Variants in ATP8B4 observed in about 807,000 individuals in gnomAD.
The protein encoded by ATP8B4 is probable phospholipid-transporting ATPase IM.
Under a neutral mutation model 145.6 loss-of-function variants are expected in ATP8B4, and 133 were observed. That is an observed-to-expected ratio of 0.91 (90% CI 0.79 to 1.05). The LOEUF is 1.05. ATP8B4 is among the 50% of genes least tolerant of loss of function. The pLI is 0.00. For synonymous variants in ATP8B4, 507 were observed against 492.9 expected (o/e 1.03, Z -0.38); for missense variants, 1,458 against 1,425.2 (o/e 1.02, Z -0.37).
chr15:50,018,870 C>T (rs1044517817), intron 6 of ATP8B4: 30 of 1,108,014 alleles, frequency 2.7e-5, no homozygotes, highest in Non-Finnish European at 3.4e-5. Flanking sequence ...TCTGAAGCTT[C>T]GACCATTATG....
chr15:50,093,285 G>A (rs2055731931), intron 2 of ATP8B4, among the ~76,000 whole-genome samples: 1 of 151,928 alleles, frequency 6.6e-6, no homozygotes, highest in African/African-American at 2.4e-5. Context: ...GGGTAAATCT[G>A]CACAAATAAT....
intron 3 of ATP8B4, among the ~76,000 whole-genome samples, chr15:50,056,899 T>C (rs945220554): frequency 6.6e-6 from 1 of 152,150 alleles, no homozygotes; most frequent in Non-Finnish European, 1.5e-5. Flanking sequence ...TTTATTTTTT[T>C]ATTTTTTATT....
At chr15:49,898,825 G>A (rs576562442) in intron 21 of ATP8B4, among the ~76,000 whole-genome samples, 47 of 152,236 alleles carry the variant, frequency 3.1e-4, no homozygotes, top group African/African-American at 1.1e-3. Flanking sequence ...CGCAAGCTGC[G>A]TCACAGACAG....
intron 6 of ATP8B4, among the ~76,000 whole-genome samples, chr15:50,029,255 A>AAAAAAAAAAACC (rs776952913): frequency 7.1e-6 from 1 of 141,164 alleles, no homozygotes; most frequent in Non-Finnish European, 1.6e-5. Context: ...AAAAAAAAAA[A>AAAAAAAAAAACC]AACAGAAAAA....
At chr15:49,865,844 C>G (rs1375795130) in intron 26 of ATP8B4, among the ~76,000 whole-genome samples, 1 of 152,228 alleles carries the variant, frequency 6.6e-6, no homozygotes, top group Admixed American at 6.5e-5. Context: ...GACTGACTAA[C>G]TACAAAGCCT....
Position 49,987,499 on chromosome 15 carries a change from T to A in ATP8B4, c.640A>T (p.Ile214Phe). 1 of 1,613,776 alleles carries A rather than the reference T, an allele frequency of 6.2e-7. No homozygotes were observed. Residue 214 changes from isoleucine (I) to phenylalanine (F), a missense_variant, in exon 10 of 28, where the codon ATC (isoleucine) becomes TTC (phenylalanine). Coordinates refer to ENST00000284509, the MANE Select transcript of ATP8B4 (RefSeq NM_024837.4). ...PNNKLDKFMGILSWKDSKHSL... is the reference protein window; with the variant it reads ...PNNKLDKFMGFLSWKDSKHSL... ...TGCTTGCTGTCTTTCCAAGAAAGGATTCCCATGAATTTATCTAACTTGTTG... is the reference window on the plus strand; with the variant it reads ...TGCTTGCTGTCTTTCCAAGAAAGGAATCCCATGAATTTATCTAACTTGTTG...
intron 1 of ATP8B4, among the ~76,000 whole-genome samples, chr15:50,143,338 G>A (rs905877157): frequency 1.2e-4 from 19 of 152,194 alleles, no homozygotes; most frequent in African/African-American, 3.9e-4. Context: ...GACTGGGGCT[G>A]GAGGAATCAT....
At chr15:50,177,367 T>C (rs181062679) in intron 1 of ATP8B4, among the ~76,000 whole-genome samples, 2 of 152,220 alleles carry the variant, frequency 1.3e-5, no homozygotes, top group Admixed American at 1.3e-4. Flanking sequence ...ATCTTTTCTA[T>C]TACTTCATTC....
intron 1 of ATP8B4, among the ~76,000 whole-genome samples, chr15:50,153,613 A>G (rs900860134): frequency 1.3e-5 from 2 of 150,848 alleles, no homozygotes; most frequent in Non-Finnish European, 2.9e-5. Context: ...CTGGGATTAC[A>G]GGCATGAGCC....
At chr15:50,016,092 T>C (rs2049067939) in intron 6 of ATP8B4, among the ~76,000 whole-genome samples, 2 of 152,222 alleles carry the variant, frequency 1.3e-5, no homozygotes, top group Non-Finnish European at 2.9e-5. Flanking sequence ...GATGCAGAAA[T>C]AGACACACAA....
intron 1 of ATP8B4, among the ~76,000 whole-genome samples, chr15:50,175,983 T>C (rs1282288798): frequency 1.3e-5 from 2 of 151,996 alleles, no homozygotes; most frequent in Admixed American, 6.6e-5. Context: ...TTAAAGATAC[T>C]GTGATATATA....
Position 49,860,264 on chromosome 15 carries a change from A to G in ATP8B4, c.3509T>C (p.Ile1170Thr), listed in dbSNP as rs763257775. 2.5e-6 allele frequency: 4 copies of G among 1,614,142 alleles called. No homozygotes were observed. Among genetic ancestry groups the G allele is most frequent in the South Asian group, 1.1e-5 (1 of 91,078 alleles). ...TGTGGTTTTCTTACATAAATTTTCA[A>G]TCCAGCTAGTGCTATTATAATGTGT... ...EKTHYNSTSW[I>T]ENLCKKTTDT... The change falls in exon 28 of 28, where the codon ATT becomes ACT. Residue 1170 changes from isoleucine to threonine, a missense_variant. Ile to Thr is a moderately conservative substitution (Grantham distance 89, BLOSUM62 -1). Coordinates refer to ENST00000284509, the MANE Select transcript of ATP8B4 (RefSeq NM_024837.4).
intron 23 of ATP8B4, among the ~76,000 whole-genome samples, chr15:49,890,829 C>T (rs572547780): frequency 2.6e-5 from 4 of 152,304 alleles, no homozygotes; most frequent in African/African-American, 9.6e-5. Context: ...ACCTTCACAG[C>T]CAGTCTTCAA....
chr15:49,922,158 C>T (rs1442149036), intron 17 of ATP8B4: 1 of 171,076 alleles, frequency 5.8e-6, no homozygotes, highest in Non-Finnish European at 1.2e-5. Context: ...ACATTTAAGA[C>T]CTCAGAATCT....
intron 2 of ATP8B4, among the ~76,000 whole-genome samples, chr15:50,102,983 A>T (rs1362913480): frequency 6.6e-6 from 1 of 152,160 alleles, no homozygotes; most frequent in African/African-American, 2.4e-5. Context: ...AGAGAATTAA[A>T]AACAAAAATC....
chr15:50,165,977 ACACACACAC>A (rs1567415396), intron 1 of ATP8B4, among the ~76,000 whole-genome samples: 5 of 149,700 alleles, frequency 3.3e-5, no homozygotes, highest in South Asian at 4.3e-4. Context: ...GAGAACACAC[ACACACACAC>A]ACACACACAC....
chr15:49,895,065 G>C (rs1268609335), intron 23 of ATP8B4: 1 of 152,178 alleles, frequency 6.6e-6, no homozygotes, highest in Non-Finnish European at 1.5e-5. Flanking sequence ...TCTTAGCGCA[G>C]GTAAAATATG....
chr15:50,088,303 G>A (rs768002590), intron 2 of ATP8B4, among the ~76,000 whole-genome samples: 10 of 151,676 alleles, frequency 6.6e-5, no homozygotes, highest in Non-Finnish European at 1.2e-4. Flanking sequence ...CCCGGGAGGC[G>A]TCTCTGCACT....
chr15:49,934,276 G>T, intron 14 of ATP8B4, 94 bp from the exon 15 acceptor site: 1 of 1,376,296 alleles, frequency 7.3e-7, no homozygotes, highest in Non-Finnish European at 9.7e-7. Flanking sequence ...TATTTTTAGT[G>T]TATTATTTTG....
Sources: allele counts gnomAD v4.1 joint callset (sites outside exome capture counted in the v4.1 genomes callset), GRCh38; gene constraint gnomAD v4.1.1; transcripts MANE v1.5; gene names NCBI Gene and HGNC (gene_info 2026-07-23, HGNC 2026-07-21).